Variants in PAK1 observed in about 807,000 individuals in gnomAD.
The protein encoded by PAK1 is p21 (RAC1) activated kinase 1, also known as serine/threonine-protein kinase PAK 1.
PAK1 carries 29 observed loss-of-function variants against 67.4 expected under a neutral mutation model. That is an observed-to-expected ratio of 0.43 (90% CI 0.32 to 0.59). The LOEUF is 0.59. Among genes scored for constraint, PAK1 ranks in the 20% least tolerant of loss-of-function variants. The pLI, the probability that PAK1 is intolerant of heterozygous loss-of-function variation, is 0.07. For missense variants in PAK1, 337 were observed against 670.7 expected (o/e 0.50, Z 5.50); for synonymous variants, 223 against 237.4 (o/e 0.94, Z 0.56).
chr11:77,508,345 G>C, the PAK1 span, among the ~76,000 whole-genome samples: 1 of 152,100 alleles, frequency 6.6e-6, no homozygotes, highest in African/African-American at 2.4e-5. Flanking sequence ...TTCTTACAGG[G>C]GAGTCATTAT....
intron 9 of PAK1, chr11:77,347,070 T>C (rs748957835): frequency 1.1e-4 from 50 of 456,190 alleles, no homozygotes; most frequent in Middle Eastern, 3.3e-4. Flanking sequence ...CCAATAAAGA[T>C]TTATTCTCCC....
the PAK1 span, among the ~76,000 whole-genome samples, chr11:77,492,790 T>A: frequency 1.3e-5 from 2 of 152,108 alleles, no homozygotes; most frequent in South Asian, 2.1e-4. Flanking sequence ...CATCCTCCCT[T>A]GGTACTGTAT....
At chr11:77,517,930 T>C in the PAK1 span, among the ~76,000 whole-genome samples, 1 of 151,938 alleles carries the variant, frequency 6.6e-6, no homozygotes, top group Non-Finnish European at 1.5e-5. Flanking sequence ...GGAGGCAGAG[T>C]TCAGGCAGTA....
the PAK1 span, among the ~76,000 whole-genome samples, chr11:77,525,881 A>C: frequency 6.6e-6 from 1 of 152,224 alleles, no homozygotes; most frequent in African/African-American, 2.4e-5. Context: ...AGGAGGGAAA[A>C]GTGAGATCTT....
In PAK1 at chr11:77,422,331, C is replaced by T. The variant is rs547638632; in HGVS notation, c.-21-29790G>A. On this transcript the variant is annotated intron_variant, in intron 1 of 14. Transcript: ENST00000356341. ...TCCCAGCACTCTGGGGAGGCTGAAG[C>T]GGGTGAATCACCCGGGGTCAAGAGT... Among the ~76,000 whole-genome samples the T allele has an allele frequency of 1.1e-4, 16 of 152,168 alleles. No homozygotes were observed. The South Asian group carries it at 2.3e-3, about 22-fold the overall frequency.
chr11:77,367,464 T>G (rs1947760507), intron 5 of PAK1, among the ~76,000 whole-genome samples: 1 of 152,174 alleles, frequency 6.6e-6, no homozygotes, highest in Admixed American at 6.5e-5. Flanking sequence ...AGCCTATCAT[T>G]ACCTTCCTTA....
chr11:77,426,297 G>A (rs750421822), intron 1 of PAK1, among the ~76,000 whole-genome samples: 1 of 151,878 alleles, frequency 6.6e-6, no homozygotes, highest in African/African-American at 2.4e-5. Context: ...GGAAGTAAAC[G>A]TAGCTTTAGT....
chr11:77,369,288 ATTT>A (rs1290189920), intron 5 of PAK1, among the ~76,000 whole-genome samples: 1 of 150,022 alleles, frequency 6.7e-6, no homozygotes, highest in Non-Finnish European at 1.5e-5. Context: ...TTTTTTCTTT[ATTT>A]TTTTACTCTA....
intron 5 of PAK1, among the ~76,000 whole-genome samples, chr11:77,372,102 T>C (rs997136005): frequency 5.3e-5 from 8 of 152,220 alleles, no homozygotes; most frequent in African/African-American, 1.7e-4. Flanking sequence ...AGGCTAATCA[T>C]GCTTACATAA....
chr11:77,501,558 C>A, the PAK1 span, among the ~76,000 whole-genome samples: 2 of 152,178 alleles, frequency 1.3e-5, no homozygotes, highest in African/African-American at 2.4e-5. Flanking sequence ...TTCCAGTGAT[C>A]CATACAAGTG....
At chr11:77,367,826 A>G (rs1186469221) in intron 5 of PAK1, among the ~76,000 whole-genome samples, 1 of 152,178 alleles carries the variant, frequency 6.6e-6, no homozygotes, top group Non-Finnish European at 1.5e-5. Context: ...ATATACAAAA[A>G]AAAATTAGCC....
chr11:77,411,318 T>A (rs112210733), intron 1 of PAK1, among the ~76,000 whole-genome samples: 1 of 151,908 alleles, frequency 6.6e-6, no homozygotes, highest in Non-Finnish European at 1.5e-5. Flanking sequence ...TGCACAGATA[T>A]GGCAACTCAA....
chr11:77,444,786 G>C (rs1029098997), intron 1 of PAK1, among the ~76,000 whole-genome samples: 1 of 152,086 alleles, frequency 6.6e-6, no homozygotes, highest in Non-Finnish European at 1.5e-5. Flanking sequence ...AAATGTCCCT[G>C]TTTGGGGGAT....
chr11:77,489,718 C>T, the PAK1 span, among the ~76,000 whole-genome samples: 2 of 151,288 alleles, frequency 1.3e-5, no homozygotes, highest in South Asian at 2.1e-4. Flanking sequence ...CCCGAGGTGC[C>T]GGGATTGCAG....
intron 1 of PAK1, among the ~76,000 whole-genome samples, chr11:77,405,257 A>G (rs1565675004): frequency 6.6e-6 from 1 of 152,242 alleles, no homozygotes; most frequent in Non-Finnish European, 1.5e-5. Flanking sequence ...GAGGTCAGAC[A>G]GTGTGGAACT....
At chr11:77,507,143 T>G in the PAK1 span, among the ~76,000 whole-genome samples, 1 of 152,144 alleles carries the variant, frequency 6.6e-6, no homozygotes. Flanking sequence ...GTCAGCAGCA[T>G]GTAGAGTGAG....
At chr11:77,432,997 T>C (rs1437175969) in intron 1 of PAK1, among the ~76,000 whole-genome samples, 1 of 152,174 alleles carries the variant, frequency 6.6e-6, no homozygotes, top group African/African-American at 2.4e-5. Context: ...AGAATAAAGA[T>C]ACAGATCAAT....
intron 1 of PAK1, among the ~76,000 whole-genome samples, chr11:77,422,603 C>A (rs1159603080): frequency 2.6e-5 from 4 of 151,304 alleles, no homozygotes; most frequent in African/African-American, 9.7e-5. Context: ...AATCCCTAAT[C>A]AATATCCATT....
At chr11:77,344,718 G>T (rs1276972525) in intron 9 of PAK1, among the ~76,000 whole-genome samples, 3 of 152,180 alleles carry the variant, frequency 2.0e-5, no homozygotes, top group African/African-American at 7.2e-5. Context: ...GCAAAATCAG[G>T]ATTAGAACCC....
Sources: gnomAD v4.1 joint callset for allele counts (sites outside exome capture counted in the v4.1 genomes callset) on GRCh38, gnomAD v4.1.1 for gene constraint, MANE v1.5 for transcripts, NCBI Gene and HGNC (gene_info 2026-07-23, HGNC 2026-07-21) for gene names.